The following ZNF609 variants were observed in gnomAD, a reference collection of about 807,000 sequenced individuals.
ZNF609 encodes zinc finger protein 609.
Under a neutral mutation model 109.5 loss-of-function variants are expected in ZNF609, and 11 were observed. The observed-to-expected ratio is 0.10, with a 90% CI of 0.06 to 0.17. ZNF609 has a LOEUF of 0.17. Among genes scored for constraint, ZNF609 ranks in the 10% least tolerant of loss-of-function variants. ZNF609 has a pLI of 1.00. For synonymous variants in ZNF609, 646 were observed against 662.0 expected, an observed-to-expected ratio of 0.98 and a Z score of 0.37; for missense variants, 1,559 against 1,772.4, an observed-to-expected ratio of 0.88 and a Z score of 2.16.
rs77967749 is a variant in ZNF609 at position 64,616,440 on chromosome 15, T to G, written c.748-6387T>G. 6.1e-3 allele frequency among the ~76,000 whole-genome samples: 920 copies of G among 152,044 alleles called. 2 individuals carry two copies. Among genetic ancestry groups the G allele is most frequent in the Admixed American group, 0.015 (223 of 15,244 alleles). Reference sequence around the variant, plus strand: ...GATGAATGACTCTGGCCTTTCTCTATTCTCTCAAGTCCCCATTTCTGTGTC... The same window carrying G: ...GATGAATGACTCTGGCCTTTCTCTAGTCTCTCAAGTCCCCATTTCTGTGTC... On this transcript the variant is annotated intron_variant, in intron 2 of 9. Transcript: ENST00000326648.
intron 1 of ZNF609, among the ~76,000 whole-genome samples, chr15:64,477,136 C>CTTTTT (rs911785223): frequency 2.6e-3 from 280 of 105,678 alleles, no homozygotes; most frequent in Non-Finnish European, 3.6e-3. Flanking sequence ...TCTTCTCTTT[C>CTTTTT]TTTTTTTTTT....
chr15:64,667,749 A>G (rs1363183139), intron 3 of ZNF609, among the ~76,000 whole-genome samples: 1 of 152,114 alleles, frequency 6.6e-6, no homozygotes, highest in Non-Finnish European at 1.5e-5. Flanking sequence ...CACAGATGCA[A>G]GTCACTAAGT....
chr15:64,641,829 C>A (rs1043140566), intron 3 of ZNF609, among the ~76,000 whole-genome samples: 4 of 152,136 alleles, frequency 2.6e-5, no homozygotes, highest in Non-Finnish European at 5.9e-5. Context: ...ATTGGATCAT[C>A]TGAGATATTT....
At chr15:64,632,734 C>T (rs897431867) in intron 3 of ZNF609, among the ~76,000 whole-genome samples, 1 of 152,060 alleles carries the variant, frequency 6.6e-6, no homozygotes, top group African/African-American at 2.4e-5. Flanking sequence ...TCCCAAAGTG[C>T]TGGGATTACA....
intron 4 of ZNF609, among the ~76,000 whole-genome samples, chr15:64,672,296 G>T: frequency 6.7e-6 from 1 of 149,328 alleles, no homozygotes; most frequent in South Asian, 2.1e-4. Context: ...ACAGGCATGA[G>T]CCACCGCACC....
rs1256729838 is a variant in ZNF609, at chr15:64,625,954, G to T, written c.973+2902G>T. The stretch of plus-strand genomic sequence containing the variant: ...ATATATATAGAGAGAGAGAGAGAGA[G>T]AGAGAGAGAGAGAGAGGATATTAAA... On this transcript the variant is annotated intron_variant, in intron 3 of 9. Coordinates refer to ENST00000326648, the MANE Select transcript of ZNF609 (RefSeq NM_015042.2). 4.2e-3 allele frequency among the ~76,000 whole-genome samples: 584 copies of T among 139,328 alleles called. 3 individuals are homozygous for T. Among genetic ancestry groups the T allele is most frequent in the East Asian group, 8.1e-3 (39 of 4,838 alleles). The allele number at this position is 139,328 out of a possible 152,430, so 91.4% of individuals were successfully genotyped here. A position where few individuals can be genotyped will look rare whatever the true frequency, so the allele number is the denominator to read the frequency against.
At chr15:64,497,477 G>A (rs1893497682) in intron 1 of ZNF609, among the ~76,000 whole-genome samples, 1 of 152,030 alleles carries the variant, frequency 6.6e-6, no homozygotes, top group Non-Finnish European at 1.5e-5. Flanking sequence ...GAGGGAATAG[G>A]TAAAAAAGTA....
intron 2 of ZNF609, among the ~76,000 whole-genome samples, chr15:64,569,040 A>G (rs949324830): frequency 5.9e-5 from 9 of 152,192 alleles, no homozygotes; most frequent in Non-Finnish European, 8.8e-5. Flanking sequence ...TGCTCTATGT[A>G]TATATGTGGC....
intron 3 of ZNF609, among the ~76,000 whole-genome samples, chr15:64,657,304 G>A (rs1896504577): frequency 6.6e-6 from 1 of 151,454 alleles, no homozygotes; most frequent in Admixed American, 6.6e-5. Flanking sequence ...TTATGTATTT[G>A]CTGATTAGTT....
intron 3 of ZNF609, among the ~76,000 whole-genome samples, chr15:64,624,560 T>C (rs908166140): frequency 2.0e-5 from 3 of 152,000 alleles, no homozygotes; most frequent in African/African-American, 7.2e-5. Flanking sequence ...TATGTGAACC[T>C]AACAAAAACT....
intron 3 of ZNF609, among the ~76,000 whole-genome samples, chr15:64,640,977 G>A (rs1896244357): frequency 6.6e-6 from 1 of 152,086 alleles, no homozygotes; most frequent in East Asian, 1.9e-4. Context: ...CCACAGTGTG[G>A]GTGTGAAGTG....
chr15:64,479,444 A>T (rs1893218904), intron 1 of ZNF609, among the ~76,000 whole-genome samples: 1 of 151,602 alleles, frequency 6.6e-6, no homozygotes, highest in African/African-American at 2.4e-5. Context: ...GGTGCCCACC[A>T]CCACGCCTGG....
intron 4 of ZNF609, among the ~76,000 whole-genome samples, chr15:64,672,575 A>G (rs1896749107): frequency 6.9e-6 from 1 of 145,484 alleles, no homozygotes; most frequent in African/African-American, 2.5e-5. Flanking sequence ...CAGTGAGCTG[A>G]GATCGCTCCA....
At chr15:64,463,270 C>T (rs557437859) in intron 1 of ZNF609, among the ~76,000 whole-genome samples, 4 of 151,974 alleles carry the variant, frequency 2.6e-5, no homozygotes, top group South Asian at 4.2e-4. Flanking sequence ...TAGTGGCATA[C>T]GCCTGTGGTC....
At position 64,678,309 on chromosome 15, in the gene ZNF609, C is replaced by G; in HGVS notation, c.3596C>G (p.Ser1199Cys). 1 of 1,614,160 alleles carries G rather than the reference C, an allele frequency of 6.2e-7. No homozygotes were observed. The highest frequency in any genetic ancestry group is 8.5e-7 in the Non-Finnish European group (1 of 1,180,026). ...SDCKLPTSEE[S>C]RLGSKEPRPS... ...TGCAAGCTGCCCACGTCAGAGGAGTCTCGCCTTGGGAGCAAGGAGCCCCGG... is the reference window on the plus strand; with the variant it reads ...TGCAAGCTGCCCACGTCAGAGGAGTGTCGCCTTGGGAGCAAGGAGCCCCGG... The change falls in exon 6 of 10, where the codon TCT becomes TGT. Residue 1199 changes from serine (S) to cysteine (C), a missense_variant. Coordinates refer to ENST00000326648, the MANE Select transcript of ZNF609 (RefSeq NM_015042.2).
intron 3 of ZNF609, among the ~76,000 whole-genome samples, chr15:64,644,684 A>G (rs1896304992): frequency 1.3e-5 from 2 of 152,198 alleles, no homozygotes; most frequent in Non-Finnish European, 2.9e-5. Flanking sequence ...TAAGTCTTGC[A>G]TGTAAGTCCA....
chr15:64,476,959 G>A (rs1006080036), intron 1 of ZNF609, among the ~76,000 whole-genome samples: 2 of 152,002 alleles, frequency 1.3e-5, no homozygotes, highest in Non-Finnish European at 2.9e-5. Flanking sequence ...GGCCTAAAGC[G>A]TGAATTTTCA....
chr15:64,571,952 G>A (rs1894865742), intron 2 of ZNF609, among the ~76,000 whole-genome samples: 1 of 152,144 alleles, frequency 6.6e-6, no homozygotes, highest in African/African-American at 2.4e-5. Context: ...GCCCGGCCTT[G>A]AGTCTTTGTT....
intron 2 of ZNF609, among the ~76,000 whole-genome samples, chr15:64,574,171 ATTTTTTTT>A (rs71133443): frequency 1.8e-3 from 163 of 91,082 alleles, no homozygotes; most frequent in African/African-American, 2.6e-3. Flanking sequence ...TTCATGCTGG[ATTTTTTTT>A]TTTTTTTTTT....
Sources: allele counts gnomAD v4.1 joint callset (sites outside exome capture counted in the v4.1 genomes callset), GRCh38; gene constraint gnomAD v4.1.1; transcripts MANE v1.5; gene names NCBI Gene and HGNC (gene_info 2026-07-23, HGNC 2026-07-21).